Variants in SACM1L observed in about 807,000 individuals in gnomAD.
SACM1L encodes phosphatidylinositol-3-phosphatase SAC1.
Under a neutral mutation model 89.5 loss-of-function variants are expected in SACM1L, and 32 were observed. The ratio of observed to expected loss-of-function variants is 0.36; its 90% CI spans 0.27 to 0.48. SACM1L has a LOEUF of 0.48. Among genes scored for constraint, SACM1L ranks in the 20% least tolerant of loss-of-function variants. SACM1L has a pLI of 0.99. For missense variants in SACM1L, 543 were observed against 708.5 expected, an observed-to-expected ratio of 0.77 and a Z score of 2.65; for synonymous variants, 213 against 232.8, an observed-to-expected ratio of 0.92 and a Z score of 0.77.
intron 6 of SACM1L, 49 bp downstream of exon 6, chr3:45,713,245 A>G: frequency 1.5e-6 from 2 of 1,364,828 alleles, no homozygotes; most frequent in Non-Finnish European, 1.0e-6. Context: ...TCCAAGCTTT[A>G]ATTCAATGCA....
chr3:45,699,283 TAAAA>T, intron 1 of SACM1L, among the ~76,000 whole-genome samples: 1 of 150,386 alleles, frequency 6.6e-6, no homozygotes, highest in South Asian at 2.1e-4. Context: ...AAAGTATAAT[TAAAA>T]TAAATAAATA....
At chr3:45,739,393 C>A (rs913807846) in intron 18 of SACM1L, among the ~76,000 whole-genome samples, 194 bp from the exon 19 acceptor site, 8 of 152,156 alleles carry the variant, frequency 5.3e-5, no homozygotes, top group Admixed American at 1.3e-4. Flanking sequence ...CCGATCTTAC[C>A]ACATCCCCCA....
At chr3:45,733,551 A>G (rs947103683) in intron 13 of SACM1L, among the ~76,000 whole-genome samples, 1 of 152,198 alleles carries the variant, frequency 6.6e-6, no homozygotes, top group African/African-American at 2.4e-5. Context: ...TGCATGATCC[A>G]TATGTAGATT....
At chr3:45,711,387 G>A (rs957129128) in intron 5 of SACM1L, among the ~76,000 whole-genome samples, 2 of 152,092 alleles carry the variant, frequency 1.3e-5, no homozygotes, top group African/African-American at 4.8e-5. Flanking sequence ...AACACTTTAG[G>A]TGGCCGAGGC....
chr3:45,740,593 A>G (rs1181758794), intron 19 of SACM1L, among the ~76,000 whole-genome samples: 2 of 152,252 alleles, frequency 1.3e-5, no homozygotes, highest in Non-Finnish European at 2.9e-5. Flanking sequence ...CACATTACCA[A>G]AGTAATACAT....
At chr3:45,718,829 A>G (rs1487565344) in intron 7 of SACM1L, among the ~76,000 whole-genome samples, 1 of 152,170 alleles carries the variant, frequency 6.6e-6, no homozygotes, top group Non-Finnish European at 1.5e-5. Context: ...GACTGTTTAT[A>G]TTACTGAATG....
intron 7 of SACM1L, among the ~76,000 whole-genome samples, chr3:45,715,096 T>C (rs1047826435): frequency 1.3e-5 from 2 of 152,142 alleles, no homozygotes; most frequent in African/African-American, 2.4e-5. Flanking sequence ...AGCCTAGGTG[T>C]GTAGTAGGCT....
chr3:45,717,290 C>T (rs1195833645), intron 7 of SACM1L, among the ~76,000 whole-genome samples: 1 of 152,186 alleles, frequency 6.6e-6, no homozygotes, highest in Non-Finnish European at 1.5e-5. Context: ...GAGGTCTTTC[C>T]AGAATGTTCA....
At chr3:45,705,392 C>T (rs766447684) in intron 3 of SACM1L, among the ~76,000 whole-genome samples, 183 bp downstream of exon 3, 7 of 151,386 alleles carry the variant, frequency 4.6e-5, no homozygotes, top group Non-Finnish European at 8.8e-5. Flanking sequence ...AATTTATCAG[C>T]GTGAGCTTCT....
chr3:45,699,079 A>G (rs1367040029), intron 1 of SACM1L, among the ~76,000 whole-genome samples: 1 of 152,140 alleles, frequency 6.6e-6, no homozygotes, highest in African/African-American at 2.4e-5. Context: ...CCTGTAATAC[A>G]GTTTTTAAAT....
At chr3:45,710,100 A>G (rs1391785983) in intron 5 of SACM1L, among the ~76,000 whole-genome samples, 1 of 152,154 alleles carries the variant, frequency 6.6e-6, no homozygotes, top group Non-Finnish European at 1.5e-5. Context: ...AACAGTTGAT[A>G]TTTCTTCTGT....
At chr3:45,740,677 T>C (rs1699293563) in intron 19 of SACM1L, among the ~76,000 whole-genome samples, 1 of 152,218 alleles carries the variant, frequency 6.6e-6, no homozygotes. Flanking sequence ...AGAGAGAAGC[T>C]AACCACTCTT....
At chr3:45,737,305 C>T (rs1699223337) in intron 14 of SACM1L, 2 of 401,898 alleles carry the variant, frequency 5.0e-6, no homozygotes, top group Admixed American at 4.5e-5. Flanking sequence ...GCAGCTTTCA[C>T]TCTCTCTTCT....
Position 45,738,884 on chromosome 3 carries a change from AT to A in SACM1L, c.1569+15del. ...TGGAAATTCCTGGCTGTAAGAAACC[AT>A]TTTGTATTTTTCAAGTTTTTAAAAG... On this transcript the variant is annotated intron_variant, in intron 18 of 19. Coordinates refer to ENST00000389061, the MANE Select transcript of SACM1L (RefSeq NM_014016.5). 1 of 1,548,476 alleles carries A rather than the reference AT, an allele frequency of 6.5e-7. No homozygotes were observed. Among genetic ancestry groups the A allele is most frequent in the Non-Finnish European group, 8.9e-7 (1 of 1,127,914 alleles).
At chr3:45,705,288 G>A (rs962005286) in intron 3 of SACM1L, 79 bp downstream of exon 3, 75 of 816,072 alleles carry the variant, frequency 9.2e-5, no homozygotes, top group Admixed American at 5.5e-4. Context: ...GTGAGTATAC[G>A]ATGAAGTAAT....
intron 19 of SACM1L, 80 bp from the exon 20 acceptor site, chr3:45,743,453 C>T: frequency 4.8e-6 from 7 of 1,446,598 alleles, no homozygotes; most frequent in Admixed American, 2.4e-5. Context: ...TTAATGTTGC[C>T]AAAATGTGCT....
chr3:45,708,339 A>G (rs1376092133), intron 4 of SACM1L, among the ~76,000 whole-genome samples: 3 of 152,192 alleles, frequency 2.0e-5, no homozygotes, highest in Non-Finnish European at 4.4e-5. Flanking sequence ...AACATTGTTT[A>G]GAGATATATA....
intron 19 of SACM1L, among the ~76,000 whole-genome samples, chr3:45,740,175 C>T (rs1230402108): frequency 6.6e-6 from 1 of 152,180 alleles, no homozygotes; most frequent in Non-Finnish European, 1.5e-5. Context: ...GGTAGAGGAA[C>T]AGTCAATTAT....
intron 1 of SACM1L, among the ~76,000 whole-genome samples, chr3:45,690,849 C>T (rs895619017): frequency 1.3e-5 from 2 of 152,166 alleles, no homozygotes; most frequent in African/African-American, 4.8e-5. Flanking sequence ...GTCACATGTG[C>T]TCTGCTAGCT....
Sources: gnomAD v4.1 joint callset for allele counts (sites outside exome capture counted in the v4.1 genomes callset) on GRCh38, gnomAD v4.1.1 for gene constraint, MANE v1.5 for transcripts, NCBI Gene and HGNC (gene_info 2026-07-23, HGNC 2026-07-21) for gene names.